The following PIK3CB variants were observed in gnomAD, a reference collection of about 807,000 sequenced individuals.
The protein encoded by PIK3CB is phosphatidylinositol 4,5-bisphosphate 3-kinase catalytic subunit beta isoform.
A neutral mutation model predicts 136.8 loss-of-function variants in PIK3CB; 39 were observed. The ratio of observed to expected loss-of-function variants is 0.29; its 90% CI spans 0.22 to 0.37. The LOEUF (loss-of-function observed/expected upper bound fraction) is 0.37. Ranked by LOEUF, PIK3CB falls within the 10% of genes least tolerant of loss-of-function variation. The probability of loss-of-function intolerance (pLI) is 1.00; values close to 1 mark genes in which losing one functional copy is unlikely to be tolerated. For synonymous variants in PIK3CB, 428 were observed against 436.6 expected (o/e 0.98, Z 0.25); for missense variants, 868 against 1,275.4 (o/e 0.68, Z 4.87).
intron 2 of PIK3CB, among the ~76,000 whole-genome samples, chr3:138,772,633 A>ATTTTTTTTT (rs142422129): frequency 8.1e-6 from 1 of 123,244 alleles, no homozygotes. Flanking sequence ...CATTCTTTTG[A>ATTTTTTTTT]TTTTTTTTTT....
intron 1 of PIK3CB, among the ~76,000 whole-genome samples, chr3:138,811,605 T>C (rs1159995653): frequency 1.3e-5 from 2 of 151,990 alleles, no homozygotes; most frequent in African/African-American, 4.8e-5. Flanking sequence ...TTTGTATTTT[T>C]AGTAGAGACG....
At chr3:138,788,780 T>C (rs2046012097) in intron 2 of PIK3CB, among the ~76,000 whole-genome samples, 2 of 149,570 alleles carry the variant, frequency 1.3e-5, no homozygotes, top group South Asian at 4.2e-4. Context: ...CTGGCCAACA[T>C]GGTGAAACCC....
intron 1 of PIK3CB, chr3:138,825,716 A>C: frequency 1.5e-6 from 1 of 667,574 alleles, no homozygotes; most frequent in East Asian, 2.5e-5. Context: ...AAAACTGGTG[A>C]TATTGGTACT....
chr3:138,654,385 A>G lies in PIK3CB; in HGVS notation c.*1004T>C, dbSNP rs965028081. 4 of 225,062 alleles carry G rather than the reference A, an allele frequency of 1.8e-5. No individual in the cohort carries two copies. In the East Asian group the frequency reaches 2.6e-4, roughly 15 times the overall value. 13.9% of individuals were successfully genotyped at this position (225,062 alleles called of 1,614,324 possible). A position where few individuals can be genotyped will look rare whatever the true frequency, so the allele number is the denominator to read the frequency against. On this transcript the variant is annotated 3_prime_UTR_variant, in exon 24 of 24. Coordinates refer to ENST00000674063, the MANE Select transcript of PIK3CB (RefSeq NM_006219.3). ...TTCAATTTGAACTAATATCCTTGAA[A>G]AAAATCACATTATTACAAGTTTTAA...
At chr3:138,772,257 A>G (rs2108766531) in intron 2 of PIK3CB, among the ~76,000 whole-genome samples, 1 of 152,248 alleles carries the variant, frequency 6.6e-6, no homozygotes, top group Admixed American at 6.5e-5. Flanking sequence ...GCGGCAATTA[A>G]GGGTGGAAGG....
intron 3 of PIK3CB, among the ~76,000 whole-genome samples, chr3:138,756,640 T>G (rs1363204221): frequency 6.6e-6 from 1 of 152,176 alleles, no homozygotes; most frequent in Non-Finnish European, 1.5e-5. Context: ...TTGCATATTT[T>G]GTTAACAGCC....
intron 19 of PIK3CB, among the ~76,000 whole-genome samples, chr3:138,673,069 A>G (rs2043570260): frequency 6.6e-6 from 1 of 152,174 alleles, no homozygotes; most frequent in African/African-American, 2.4e-5. Flanking sequence ...AAAGATATGA[A>G]AAGACTCAGC....
In PIK3CB at chr3:138,742,736, A is replaced by C. The variant is rs1276193691; in HGVS notation, c.443T>G (p.Phe148Cys). 2.5e-6 allele frequency: 4 copies of C among 1,613,486 alleles called. No homozygotes were observed. Among genetic ancestry groups the C allele is most frequent in the Non-Finnish European group, 2.5e-6 (3 of 1,179,594 alleles). Residue 148 changes from phenylalanine (F) to cysteine (C), a missense_variant, in exon 5 of 24, where the codon TTT becomes TGT. Coordinates refer to ENST00000674063, the MANE Select transcript of PIK3CB (RefSeq NM_006219.3). ...GCTGAATTTGCGCATTTTTCTTCGA[A>C]ATTCATTTACTTCAGGATCCTTCAA... ...DSLKDPEVNE[F>C]RRKMRKFSEE...
At chr3:138,758,617 A>G (rs555470887) in intron 3 of PIK3CB, among the ~76,000 whole-genome samples, 2 of 152,174 alleles carry the variant, frequency 1.3e-5, no homozygotes, top group Non-Finnish European at 2.9e-5. Context: ...TCCAAAGCCA[A>G]GAGTTTTCAG....
chr3:138,771,767 T>C (rs1463874152), intron 2 of PIK3CB, among the ~76,000 whole-genome samples: 1 of 151,988 alleles, frequency 6.6e-6, no homozygotes, highest in Non-Finnish European at 1.5e-5. Context: ...AATTTAAAAA[T>C]TGGCTGGGTG....
chr3:138,801,219 TGA>T (rs2046170720), intron 1 of PIK3CB, among the ~76,000 whole-genome samples: 1 of 151,970 alleles, frequency 6.6e-6, no homozygotes. Flanking sequence ...TATAATGAAA[TGA>T]GGTGATATAG....
rs2043953098 is a variant in PIK3CB, at chr3:138,688,980, G to A, written c.2037-6C>T. On this transcript the variant is annotated splice_region_variant and splice_polypyrimidine_tract_variant and intron_variant, in intron 15 of 23. Transcript: ENST00000674063. ...CAGGAATGTGCACTTCTGACCTGCA[G>A]AAAGTTAATGATATCTGAACAGTTT... is the stretch of plus-strand genomic sequence containing the variant. 1 of 1,560,904 alleles carries A rather than the reference G, an allele frequency of 6.4e-7. No homozygotes were observed. The highest frequency in any genetic ancestry group is 8.8e-7 in the Non-Finnish European group (1 of 1,132,112).
chr3:138,756,911 G>A (rs1248538484), intron 3 of PIK3CB, among the ~76,000 whole-genome samples: 1 of 151,924 alleles, frequency 6.6e-6, no homozygotes, highest in African/African-American at 2.4e-5. Context: ...CAAAATGGGA[G>A]GTAATATTTG....
At chr3:138,760,002 A>G (rs2045640103) in intron 2 of PIK3CB, among the ~76,000 whole-genome samples, 1 of 152,004 alleles carries the variant, frequency 6.6e-6, no homozygotes, top group South Asian at 2.1e-4. Context: ...GCTCACTGCA[A>G]GCTCCGCCTC....
intron 13 of PIK3CB, among the ~76,000 whole-genome samples, chr3:138,695,923 T>A (rs1263013872): frequency 7.7e-6 from 1 of 129,894 alleles, no homozygotes. Flanking sequence ...GCCCAGCTAA[T>A]TTTTTGTATT....
At chr3:138,713,331 G>A (rs1352034696) in intron 9 of PIK3CB, among the ~76,000 whole-genome samples, 1 of 150,298 alleles carries the variant, frequency 6.7e-6, no homozygotes, top group East Asian at 2.0e-4. Flanking sequence ...ATTTTTAGAA[G>A]ACTATATGAT....
intron 8 of PIK3CB, among the ~76,000 whole-genome samples, chr3:138,719,287 C>G (rs140096674): frequency 7.6e-6 from 1 of 131,442 alleles, no homozygotes; most frequent in African/African-American, 2.8e-5. Flanking sequence ...ACTCTGTCAC[C>G]CAGGCTGCAG....
chr3:138,658,868 A>C (rs2043236757), intron 21 of PIK3CB, among the ~76,000 whole-genome samples: 1 of 152,230 alleles, frequency 6.6e-6, no homozygotes, highest in Non-Finnish European at 1.5e-5. Flanking sequence ...AAACAACAAC[A>C]AATCTACAAA....
chr3:138,707,364 C>T (rs1213319960), intron 10 of PIK3CB, 75 bp from the exon 11 acceptor site: 4 of 1,493,858 alleles, frequency 2.7e-6, no homozygotes, highest in African/African-American at 1.4e-5. Flanking sequence ...TAATGGATCT[C>T]CTCCCATGAA....
Sources: gnomAD v4.1 joint callset for allele counts (sites outside exome capture counted in the v4.1 genomes callset) on GRCh38, gnomAD v4.1.1 for gene constraint, MANE v1.5 for transcripts, NCBI Gene and HGNC (gene_info 2026-07-23, HGNC 2026-07-21) for gene names.